Variants in NIPAL2 observed in about 807,000 individuals in gnomAD.
NIPAL2 encodes NIPA like domain containing 2, also known as NIPA-like protein 2.
A neutral mutation model predicts 48.9 loss-of-function variants in NIPAL2; 43 were observed. The ratio of observed to expected loss-of-function variants is 0.88; its 90% CI spans 0.69 to 1.13. NIPAL2 has a LOEUF of 1.13. Ranked by LOEUF, NIPAL2 falls within the 50% of genes most tolerant of loss-of-function variation. NIPAL2 has a pLI of 0.00. For missense variants in NIPAL2, 446 were observed against 461.4 expected (o/e 0.97, Z 0.31); for synonymous variants, 167 against 174.6 (o/e 0.96, Z 0.34).
In NIPAL2 at chr8:98,294,019, C is replaced by T. The variant is rs758402645; in HGVS notation, c.119G>A (p.Trp40Ter). ...GGCCCTTACCTGGTTCCTGCGGTAC[C>T]AGTCGCCCGAGAGGGAGCCGTTGCC... is the stretch of plus-strand genomic sequence containing the variant. ...GAGNGSLSGD[W>*]YRRNQIHLFG... The change falls in exon 1 of 11, where the codon TGG (tryptophan) becomes TAG (stop). Residue 40 changes from tryptophan to a stop codon, truncating the protein, a stop_gained. Coordinates refer to ENST00000430223, the MANE Select transcript of NIPAL2 (RefSeq NM_001321635.2). LOFTEE classifies it high-confidence loss of function. 1 of 1,494,596 alleles carries T rather than the reference C, an allele frequency of 6.7e-7. No homozygotes were observed. The highest frequency in any genetic ancestry group is 1.3e-5 in the South Asian group (1 of 78,654). The allele number at this position is 1,494,596 out of a possible 1,614,324, so 92.6% of individuals were successfully genotyped here. A position where few individuals can be genotyped will look rare whatever the true frequency, so the allele number is the denominator to read the frequency against.
At chr8:98,249,029 A>G (rs956737131) in intron 3 of NIPAL2, among the ~76,000 whole-genome samples, 6 of 152,102 alleles carry the variant, frequency 3.9e-5, no homozygotes, top group African/African-American at 1.4e-4. Flanking sequence ...AGAATTCCCT[A>G]AAGGGTTTTC....
At chr8:98,202,390 T>C (rs998792866) in intron 8 of NIPAL2, among the ~76,000 whole-genome samples, 2 of 152,184 alleles carry the variant, frequency 1.3e-5, no homozygotes, top group African/African-American at 4.8e-5. Flanking sequence ...ATAGCTTGGA[T>C]ATCTGTCCCC....
chr8:98,227,385 CTG>C (rs1812228768), intron 4 of NIPAL2, among the ~76,000 whole-genome samples: 1 of 152,208 alleles, frequency 6.6e-6, no homozygotes, highest in African/African-American at 2.4e-5. Context: ...TAATACATCT[CTG>C]AGTCTCACCC....
At chr8:98,220,441 CA>C (rs1286385526) in intron 5 of NIPAL2, among the ~76,000 whole-genome samples, 3 of 148,298 alleles carry the variant, frequency 2.0e-5, no homozygotes, top group Non-Finnish European at 3.0e-5. Context: ...GACAGGGTCT[CA>C]CTCTGTCACC....
chr8:98,252,749 A>G lies in NIPAL2; in HGVS notation c.205-115T>C, dbSNP rs1022646838. The G allele has an allele frequency of 3.4e-5, 30 of 875,266 alleles. No homozygotes were observed. In the African/African-American group the frequency reaches 4.4e-4, roughly 13 times the overall value. 54.2% of individuals were successfully genotyped at this position (875,266 alleles called of 1,614,324 possible). A position where few individuals can be genotyped will look rare whatever the true frequency, so the allele number is the denominator to read the frequency against. On this transcript the variant is annotated intron_variant, in intron 2 of 10. Coordinates refer to ENST00000430223, the MANE Select transcript of NIPAL2 (RefSeq NM_001321635.2). Reference sequence around the variant, plus strand: ...TATAAGAACGCTAATTTATTTTTGTATTTTTTTTTAAGAACGAATACATTT... The same window carrying G: ...TATAAGAACGCTAATTTATTTTTGTGTTTTTTTTTAAGAACGAATACATTT...
chr8:98,248,976 C>A (rs7001200), intron 3 of NIPAL2, among the ~76,000 whole-genome samples: 5,491 of 152,224 alleles, frequency 0.036, 194 homozygotes, highest in African/African-American at 0.091. Flanking sequence ...GTTATTTAGG[C>A]TGAGTCTCTA....
At chr8:98,215,973 A>G (rs1811556453) in intron 5 of NIPAL2, among the ~76,000 whole-genome samples, 1 of 152,236 alleles carries the variant, frequency 6.6e-6, no homozygotes, top group South Asian at 2.1e-4. Context: ...CAAAAGAGAT[A>G]GACAAAATTT....
At chr8:98,226,873 T>C (rs2443563) in intron 4 of NIPAL2, among the ~76,000 whole-genome samples, 148,507 of 152,320 alleles carry the variant, frequency 0.97, 72,537 homozygotes, top group African/African-American at 0.99. Context: ...CCCTAGGCCC[T>C]GGGTGGGTCC....
At chr8:98,221,201 C>A (rs182434139) in intron 5 of NIPAL2, among the ~76,000 whole-genome samples, 156 of 151,916 alleles carry the variant, frequency 1.0e-3, no homozygotes, top group African/African-American at 3.5e-3. Context: ...GTTTCAAACT[C>A]CTGACCTCAA....
At chr8:98,203,846 CTGTGTGTG>C (rs143170810) in intron 7 of NIPAL2, among the ~76,000 whole-genome samples, 1 of 146,726 alleles carries the variant, frequency 6.8e-6, no homozygotes, top group African/African-American at 2.5e-5. Context: ...TGGGTAGAGC[CTGTGTGTG>C]TGTGTGTGTG....
intron 3 of NIPAL2, among the ~76,000 whole-genome samples, chr8:98,245,571 C>A (rs1813267781): frequency 6.6e-6 from 1 of 152,162 alleles, no homozygotes; most frequent in African/African-American, 2.4e-5. Flanking sequence ...GAACAATAAT[C>A]CTTTCTTTTC....
At chr8:98,286,924 T>C (rs1171607154) in intron 1 of NIPAL2, among the ~76,000 whole-genome samples, 2 of 151,368 alleles carry the variant, frequency 1.3e-5, no homozygotes, top group African/African-American at 2.4e-5. Context: ...CTGAGAGCTA[T>C]ATGGAGGGGC....
At chr8:98,207,422 G>A (rs1306570665) in intron 6 of NIPAL2, among the ~76,000 whole-genome samples, 3 of 152,092 alleles carry the variant, frequency 2.0e-5, no homozygotes, top group African/African-American at 7.2e-5. Flanking sequence ...TTGGGGGGTG[G>A]TTGATGAGGA....
intron 8 of NIPAL2, among the ~76,000 whole-genome samples, chr8:98,198,371 G>A (rs1254242410): frequency 6.6e-6 from 1 of 152,148 alleles, no homozygotes; most frequent in African/African-American, 2.4e-5. Flanking sequence ...AATTCTTAAG[G>A]GCCCTATGGT....
chr8:98,193,291 G>T, intron 10 of NIPAL2: 1 of 1,403,624 alleles, frequency 7.1e-7, no homozygotes, highest in Non-Finnish European at 1.0e-6. Context: ...AATTGTCTGT[G>T]TCAGAGCCAC....
At chr8:98,256,642 A>AG (rs1813911259) in intron 1 of NIPAL2, among the ~76,000 whole-genome samples, 1 of 149,134 alleles carries the variant, frequency 6.7e-6, no homozygotes, top group Admixed American at 6.7e-5. Context: ...AAAAAAAAAA[A>AG]GAGAAAAGAA....
chr8:98,260,593 C>T (rs557046760), intron 1 of NIPAL2, among the ~76,000 whole-genome samples: 25 of 152,276 alleles, frequency 1.6e-4, no homozygotes, highest in South Asian at 4.1e-4. Flanking sequence ...CGGCGCACCA[C>T]GAGATTATAT....
intron 2 of NIPAL2, 98 bp from the exon 3 acceptor site, chr8:98,252,732 C>G: frequency 1.0e-6 from 1 of 990,320 alleles, no homozygotes; most frequent in African/African-American, 1.7e-5. Flanking sequence ...TTTATAAGAA[C>G]GCTAATTTAT....
chr8:98,212,045 A>G (rs1029209130), intron 6 of NIPAL2, among the ~76,000 whole-genome samples: 16 of 152,200 alleles, frequency 1.1e-4, no homozygotes, highest in Admixed American at 1.0e-3. Context: ...TATAAATAGT[A>G]TAGGTCTTGC....
Sources: allele counts gnomAD v4.1 joint callset (sites outside exome capture counted in the v4.1 genomes callset), GRCh38; gene constraint gnomAD v4.1.1; transcripts MANE v1.5; gene names NCBI Gene and HGNC (gene_info 2026-07-23, HGNC 2026-07-21).